The following CNTNAP4 variants were observed in gnomAD, a reference collection of about 807,000 sequenced individuals.
CNTNAP4 encodes contactin associated protein family member 4, also known as contactin-associated protein-like 4.
Under a neutral mutation model 148.4 loss-of-function variants are expected in CNTNAP4, and 98 were observed. The ratio of observed to expected loss-of-function variants is 0.66; its 90% confidence interval spans 0.56 to 0.78. The LOEUF is 0.78. CNTNAP4 is among the 30% of genes least tolerant of loss of function. The pLI is 0.00. For missense variants in CNTNAP4, 1,935 were observed against 1,565.6 expected (o/e 1.24, Z -3.98); for synonymous variants, 730 against 565.1 (o/e 1.29, Z -4.14).
intron 11 of CNTNAP4, among the ~76,000 whole-genome samples, chr16:76,478,874 G>A (rs191719741): frequency 1.1e-4 from 17 of 152,100 alleles, no homozygotes; most frequent in African/African-American, 3.9e-4. Context: ...GATGAGCTTT[G>A]TGAATCCCAT....
intron 3 of CNTNAP4, among the ~76,000 whole-genome samples, chr16:76,368,918 A>G (rs996775817): frequency 8.5e-5 from 13 of 152,224 alleles, no homozygotes; most frequent in African/African-American, 2.9e-4. Flanking sequence ...ACCAGTGGTT[A>G]CTGGATTAGA....
intron 2 of CNTNAP4, among the ~76,000 whole-genome samples, chr16:76,324,169 TAGG>T (rs1206234551): frequency 2.0e-5 from 3 of 152,150 alleles, no homozygotes; most frequent in African/African-American, 7.2e-5. Flanking sequence ...GCTCCCGCCT[TAGG>T]AGATGTCTTC....
chr16:76,401,978 A>C (rs1271891971), intron 3 of CNTNAP4, among the ~76,000 whole-genome samples: 5 of 152,162 alleles, frequency 3.3e-5, no homozygotes, highest in African/African-American at 1.2e-4. Flanking sequence ...ATCAGTGTTC[A>C]TCAAAAATAT....
chr16:76,434,693 G>C (rs1182181658), intron 4 of CNTNAP4, among the ~76,000 whole-genome samples: 2 of 152,148 alleles, frequency 1.3e-5, no homozygotes, highest in Admixed American at 1.3e-4. Context: ...CTTGGTAGAG[G>C]CAGCTCTAAG....
At chr16:76,430,370 G>A (rs2079563797) in intron 4 of CNTNAP4, among the ~76,000 whole-genome samples, 1 of 152,102 alleles carries the variant, frequency 6.6e-6, no homozygotes, top group South Asian at 2.1e-4. Context: ...AAATAGCTAG[G>A]ACTACTGGCT....
At chr16:76,352,060 C>G (rs958319766) in intron 2 of CNTNAP4, among the ~76,000 whole-genome samples, 1 of 152,148 alleles carries the variant, frequency 6.6e-6, no homozygotes, top group African/African-American at 2.4e-5. Flanking sequence ...GACACAGATG[C>G]AATTCCAAGT....
chr16:76,547,511 G>A (rs1048526197), intron 21 of CNTNAP4, among the ~76,000 whole-genome samples: 1 of 152,148 alleles, frequency 6.6e-6, no homozygotes. Flanking sequence ...ATTCATGGTG[G>A]TAGCAGTAAA....
chr16:76,292,318 A>G (rs2143840851), intron 1 of CNTNAP4, among the ~76,000 whole-genome samples: 1 of 152,230 alleles, frequency 6.6e-6, no homozygotes, highest in South Asian at 2.1e-4. Flanking sequence ...TGCCTCTTCG[A>G]GCACTATCAT....
intron 1 of CNTNAP4, among the ~76,000 whole-genome samples, chr16:76,310,297 T>A (rs376501199): frequency 6.6e-6 from 1 of 152,204 alleles, no homozygotes; most frequent in Non-Finnish European, 1.5e-5. Context: ...TACAGTACAA[T>A]GTCATTGTCA....
rs150425968 is a variant in CNTNAP4 at position 76,460,773 on chromosome 16, AATATATAT to A, written c.1334-1168_1334-1161del. Among the ~76,000 whole-genome samples, 322 of 57,230 alleles carry A rather than the reference AATATATAT, an allele frequency of 5.6e-3. 6 individuals are homozygous for A. Among genetic ancestry groups the A allele is most frequent in the Middle Eastern group, 0.014 (1 of 72 alleles). 37.5% of individuals were successfully genotyped at this position (57,230 alleles called of 152,430 possible). A position where few individuals can be genotyped will look rare whatever the true frequency, so the allele number is the denominator to read the frequency against. On this transcript the variant is annotated intron_variant, in intron 8 of 23. Transcript: ENST00000611870. ...TGTCTCAAAAAAAAAAAAAAAAAAA[AATATATAT>A]ATATATATATATATTTAGAATTGTA...
chr16:76,452,741 A>T lies in CNTNAP4; in HGVS notation c.1305A>T (p.Pro435=). 6.3e-7 allele frequency: 1 copy of T among 1,599,572 alleles called. No homozygotes were observed. The highest frequency in any genetic ancestry group is 8.5e-7 in the Non-Finnish European group (1 of 1,172,058). Residue 435 remains proline (P), a synonymous_variant, in exon 8 of 24, where the codon CCA becomes CCT. Coordinates refer to ENST00000611870, the MANE Select transcript of CNTNAP4 (RefSeq NM_033401.5). ...AACTTAAGTCGAATCTCTACCAGCC[A>T]GGAAAATTACCCAGTGACATCACAG... The part of the protein sequence containing the change: ...DGKLKSNLYQ[P]GKLPSDITAG...
intron 15 of CNTNAP4, among the ~76,000 whole-genome samples, chr16:76,499,567 A>T (rs12716815): frequency 0.64 from 96,292 of 151,228 alleles, 31,002 homozygotes; most frequent in Middle Eastern, 0.75. Context: ...TTATTTATTT[A>T]TTTTAGTATT....
intron 21 of CNTNAP4, among the ~76,000 whole-genome samples, chr16:76,550,128 T>A (rs2084901742): frequency 6.8e-6 from 1 of 147,564 alleles, no homozygotes; most frequent in African/African-American, 2.4e-5. Context: ...GCAAAAAATG[T>A]CACCCTTAAA....
chr16:76,528,413 A>G (rs1021736970), intron 17 of CNTNAP4, among the ~76,000 whole-genome samples: 1 of 152,114 alleles, frequency 6.6e-6, no homozygotes, highest in African/African-American at 2.4e-5. Flanking sequence ...CTACAGGCAC[A>G]TGCCACCACA....
At chr16:76,279,584 G>A (rs1410767557) in intron 1 of CNTNAP4, among the ~76,000 whole-genome samples, 1 of 152,078 alleles carries the variant, frequency 6.6e-6, no homozygotes, top group Non-Finnish European at 1.5e-5. Flanking sequence ...GTTTGTTAAG[G>A]AAGTAGTCTA....
chr16:76,301,651 C>T (rs769428516), intron 1 of CNTNAP4, among the ~76,000 whole-genome samples: 5 of 152,128 alleles, frequency 3.3e-5, no homozygotes, highest in African/African-American at 4.8e-5. Context: ...GTCTGTTCTG[C>T]TTACACGGGG....
chr16:76,483,272 A>ACACG (rs1318817007), intron 12 of CNTNAP4, among the ~76,000 whole-genome samples: 7 of 143,982 alleles, frequency 4.9e-5, no homozygotes, highest in Non-Finnish European at 1.0e-4. Flanking sequence ...ACACACACAC[A>ACACG]CACACATCCA....
chr16:76,411,621 A>T (rs188420399), intron 3 of CNTNAP4, among the ~76,000 whole-genome samples: 48 of 150,772 alleles, frequency 3.2e-4, no homozygotes, highest in Non-Finnish European at 6.4e-4. Flanking sequence ...GTTCTTAATG[A>T]TCTATAAAAA....
chr16:76,468,198 G>T (rs939242161), intron 10 of CNTNAP4, among the ~76,000 whole-genome samples: 2 of 152,044 alleles, frequency 1.3e-5, no homozygotes, highest in African/African-American at 4.8e-5. Flanking sequence ...TTTTTGGCTG[G>T]CGCAGTGGCT....
Sources: allele counts gnomAD v4.1 joint callset (sites outside exome capture counted in the v4.1 genomes callset), GRCh38; gene constraint gnomAD v4.1.1; transcripts MANE v1.5; gene names NCBI Gene and HGNC (gene_info 2026-07-23, HGNC 2026-07-21).